PCBP3: variants seen among roughly 807,000 people sequenced by gnomAD.
The protein encoded by PCBP3 is poly(rC)-binding protein 3.
A neutral mutation model predicts 52.7 loss-of-function variants in PCBP3; 25 were observed. The observed-to-expected ratio is 0.47, with a 90% CI of 0.35 to 0.66. PCBP3 has a LOEUF of 0.66. PCBP3 is among the 30% of genes least tolerant of loss of function. The pLI is 0.01. For synonymous variants in PCBP3, 162 were observed against 183.0 expected (o/e 0.89, Z 0.93); for missense variants, 391 against 490.3 (o/e 0.80, Z 1.91).
intron 5 of PCBP3, among the ~76,000 whole-genome samples, chr21:45,873,609 G>A (rs1008937143): frequency 3.3e-5 from 5 of 152,278 alleles, no homozygotes; most frequent in East Asian, 1.9e-4. Context: ...CCAAGTCCCC[G>A]TGAGGGTGGA....
chr21:45,825,527 C>T (rs1350132750), intron 4 of PCBP3, among the ~76,000 whole-genome samples: 1 of 152,224 alleles, frequency 6.6e-6, no homozygotes, highest in African/African-American at 2.4e-5. Flanking sequence ...TCTGCCACTC[C>T]TGGCGGCTCA....
At chr21:45,868,411 CTTTTTTT>C (rs1232045625) in intron 5 of PCBP3, among the ~76,000 whole-genome samples, 1 of 113,680 alleles carries the variant, frequency 8.8e-6, no homozygotes, top group Non-Finnish European at 1.8e-5. Context: ...CTTATTTGTT[CTTTTTTT>C]TTTTTTTTTT....
chr21:45,868,411 C>CTTTTTTTT (rs1232045625), intron 5 of PCBP3, among the ~76,000 whole-genome samples: 2 of 113,680 alleles, frequency 1.8e-5, no homozygotes, highest in African/African-American at 3.3e-5. Flanking sequence ...CTTATTTGTT[C>CTTTTTTTT]TTTTTTTTTT....
chr21:45,917,558 C>A lies in PCBP3; in HGVS notation c.676-30C>A, dbSNP rs1380949473. On this transcript the variant is annotated intron_variant, in intron 12 of 17. Transcript: ENST00000681687. This position sits in a 1 kb window ranked among gnomAD's most constrained non-coding sequence, Gnocchi z 5.3. Reference sequence around the variant, plus strand: ...GCTGAGCCGTGGTGCAGCCAGGTTGCAGTCTGACGGGGTCTCTCTCTCTCT... The same window carrying A: ...GCTGAGCCGTGGTGCAGCCAGGTTGAAGTCTGACGGGGTCTCTCTCTCTCT... 2 of 1,601,028 alleles carry A rather than the reference C, an allele frequency of 1.2e-6. No individual in the cohort carries two copies. The highest frequency in any genetic ancestry group is 1.7e-6 in the Non-Finnish European group (2 of 1,169,516).
chr21:45,783,669 G>A (rs909603583), intron 4 of PCBP3, among the ~76,000 whole-genome samples: 2 of 152,196 alleles, frequency 1.3e-5, no homozygotes, highest in African/African-American at 4.8e-5. Flanking sequence ...GTCAGTGCAC[G>A]GCCTGAGCTG....
At chr21:45,825,800 T>C (rs1166848911) in intron 4 of PCBP3, among the ~76,000 whole-genome samples, 3 of 152,060 alleles carry the variant, frequency 2.0e-5, no homozygotes, top group Admixed American at 1.3e-4. Context: ...GAGGTGGGGT[T>C]GGTGGTGGGA....
chr21:45,880,311 G>A lies in PCBP3; in HGVS notation c.11-15897G>A, dbSNP rs968158610. The stretch of plus-strand genomic sequence containing the variant: ...GGGAGGGGAGCGCCTGGGGCGCCGC[G>A]GTCCTGACCCCACACAACTTCTTCT... On this transcript the variant is annotated intron_variant, in intron 5 of 17. Coordinates refer to ENST00000681687, the MANE Select transcript of PCBP3 (RefSeq NM_001384156.1). This position sits in a 1 kb window ranked among gnomAD's most constrained non-coding sequence, Gnocchi z 5.4. 3.3e-5 allele frequency among the ~76,000 whole-genome samples: 5 copies of A among 152,272 alleles called. No individual in the cohort carries two copies. Among genetic ancestry groups the A allele is most frequent in the South Asian group, 2.1e-4 (1 of 4,832 alleles).
intron 4 of PCBP3, among the ~76,000 whole-genome samples, chr21:45,784,878 G>A (rs2090983386): frequency 2.0e-5 from 3 of 152,130 alleles, no homozygotes; most frequent in African/African-American, 7.2e-5. Context: ...CTGCCCGGCC[G>A]CCACCCCGTC....
At chr21:45,897,932 T>C (rs1232103919) in intron 6 of PCBP3, among the ~76,000 whole-genome samples, 1 of 152,202 alleles carries the variant, frequency 6.6e-6, no homozygotes, top group Non-Finnish European at 1.5e-5. Flanking sequence ...GGAATCCAAC[T>C]GCCAGTATCT....
chr21:45,721,399 T>G (rs980633438), intron 2 of PCBP3, among the ~76,000 whole-genome samples: 2 of 113,086 alleles, frequency 1.8e-5, no homozygotes, highest in African/African-American at 7.3e-5. Context: ...GGCGACGGAG[T>G]AAGACTCCAT....
At position 45,798,923 on chromosome 21, in the gene PCBP3, GAGT is replaced by G. The variant is rs1323193358; in HGVS notation, c.-126+43472_-126+43474del. 4.7e-5 allele frequency among the ~76,000 whole-genome samples: 7 copies of G among 147,954 alleles called. 1 individual carries two copies. The highest frequency in any genetic ancestry group is 7.5e-5 in the Non-Finnish European group (5 of 66,404). ...GGATGAATGCATGGATCCATAGAGA[GAGT>G]GAATGGATGTGTACATGGATGAATG... On this transcript the variant is annotated intron_variant, in intron 4 of 17. Transcript: ENST00000681687.
chr21:45,718,831 A>C (rs2084407645), intron 2 of PCBP3, among the ~76,000 whole-genome samples: 1 of 152,216 alleles, frequency 6.6e-6, no homozygotes, highest in African/African-American at 2.4e-5. Context: ...AACACTTTTC[A>C]AAAAATGAAT....
In PCBP3 at chr21:45,917,982, C is replaced by G. The variant is rs1296532403; in HGVS notation, c.717+353C>G. 1 of 332,166 alleles carries G rather than the reference C, an allele frequency of 3.0e-6. No homozygotes were observed. 20.6% of individuals were successfully genotyped at this position (332,166 alleles called of 1,614,324 possible). A position where few individuals can be genotyped will look rare whatever the true frequency, so the allele number is the denominator to read the frequency against. On this transcript the variant is annotated intron_variant, in intron 13 of 17. Transcript: ENST00000681687. This position sits in a 1 kb window ranked among gnomAD's most constrained non-coding sequence, Gnocchi z 5.3. The stretch of plus-strand genomic sequence containing the variant: ...CAGGCAGGCGTCAGTGATACTTTCT[C>G]TGCGCCTAAGAAGTTGGGTGACATT...
intron 2 of PCBP3, among the ~76,000 whole-genome samples, chr21:45,681,509 T>C (rs551683794): frequency 1.3e-4 from 20 of 152,182 alleles, no homozygotes; most frequent in Admixed American, 2.0e-4. Context: ...AAGTGAAAAA[T>C]GCAACCTGGT....
intron 4 of PCBP3, among the ~76,000 whole-genome samples, chr21:45,843,303 A>G (rs1428502208): frequency 6.6e-6 from 1 of 152,130 alleles, no homozygotes; most frequent in East Asian, 1.9e-4. Context: ...GTGCCTTCGC[A>G]GTTGTTTTTC....
At chr21:45,896,400 C>T (rs544556849) in intron 6 of PCBP3, 38 bp downstream of exon 6, 8 of 1,541,288 alleles carry the variant, frequency 5.2e-6, no homozygotes, top group Non-Finnish European at 7.0e-6. Context: ...GGAAAGGCGG[C>T]CGCGGCAGAC....
intron 4 of PCBP3, among the ~76,000 whole-genome samples, chr21:45,773,259 T>C (rs1184744248): frequency 1.3e-5 from 2 of 152,142 alleles, no homozygotes; most frequent in African/African-American, 4.8e-5. Flanking sequence ...AGTTAAGTAT[T>C]TTTATAGTTT....
chr21:45,759,061 G>A (rs1462467520), intron 4 of PCBP3, among the ~76,000 whole-genome samples: 1 of 152,182 alleles, frequency 6.6e-6, no homozygotes, highest in Non-Finnish European at 1.5e-5. Context: ...ATGTGTTACA[G>A]TAAAGGGATT....
chr21:45,790,428 G>A (rs2091462839), intron 4 of PCBP3, among the ~76,000 whole-genome samples: 1 of 152,220 alleles, frequency 6.6e-6, no homozygotes, highest in East Asian at 1.9e-4. Flanking sequence ...CATTCAGGCA[G>A]AGCAGTGAGC....
Sources: allele counts gnomAD v4.1 joint callset (sites outside exome capture counted in the v4.1 genomes callset), GRCh38; gene constraint gnomAD v4.1.1; non-coding constraint Gnocchi (gnomAD v3.1); transcripts MANE v1.5; gene names NCBI Gene and HGNC (gene_info 2026-07-23, HGNC 2026-07-21).